UBE2E2: variants seen among roughly 807,000 people sequenced by gnomAD.
UBE2E2 encodes the protein ubiquitin conjugating enzyme E2 E2, also known as ubiquitin-conjugating enzyme E2 E2.
Under a neutral mutation model 24.7 loss-of-function variants are expected in UBE2E2, and 6 were observed. That is an observed-to-expected ratio of 0.24 (90% CI 0.13 to 0.48). UBE2E2 has a LOEUF of 0.48. Among genes scored for constraint, UBE2E2 ranks in the 20% least tolerant of loss-of-function variants. The probability of loss-of-function intolerance (pLI) is 0.99; values close to 1 mark genes in which losing one functional copy is unlikely to be tolerated. For synonymous variants in UBE2E2, 104 were observed against 83.6 expected (o/e 1.24, Z -1.33); for missense variants, 169 against 245.0 (o/e 0.69, Z 2.07).
intron 3 of UBE2E2, among the ~76,000 whole-genome samples, chr3:23,350,184 T>C (rs1454648739): frequency 6.6e-6 from 1 of 152,156 alleles, no homozygotes; most frequent in Non-Finnish European, 1.5e-5. Context: ...TCCTGTCTGT[T>C]AGAAGGAAAA....
intron 3 of UBE2E2, among the ~76,000 whole-genome samples, chr3:23,454,964 A>G (rs1446926777): frequency 6.6e-6 from 1 of 152,172 alleles, no homozygotes; most frequent in East Asian, 1.9e-4. Flanking sequence ...ATGAAAAGTC[A>G]TTGAAGCCAA....
At chr3:23,221,670 C>G (rs184457499) in intron 3 of UBE2E2, among the ~76,000 whole-genome samples, 2 of 151,452 alleles carry the variant, frequency 1.3e-5, no homozygotes, top group Non-Finnish European at 2.9e-5. Flanking sequence ...GAGTTTCGCT[C>G]TTGTCGCCCA....
Position 23,349,690 on chromosome 3 carries a change from C to T in UBE2E2, c.227+132378C>T, listed in dbSNP as rs558747491. On this transcript the variant is annotated intron_variant, in intron 3 of 5. Coordinates refer to ENST00000396703, the MANE Select transcript of UBE2E2 (RefSeq NM_152653.4). ...GCAGCGAGGCTAGGGGAGGGGCGCC[C>T]GCCATTGCCCAGGCTTGCTTAGGTA... Among the ~76,000 whole-genome samples, 401 of 152,342 alleles carry T rather than the reference C, an allele frequency of 2.6e-3. 3 individuals carry two copies. Among genetic ancestry groups the T allele is most frequent in the African/African-American group, 9.1e-3 (379 of 41,590 alleles).
At chr3:23,439,730 T>TTTTAATGTATTTTTA (rs1215780565) in intron 3 of UBE2E2, among the ~76,000 whole-genome samples, 1 of 152,198 alleles carries the variant, frequency 6.6e-6, no homozygotes, top group Non-Finnish European at 1.5e-5. Context: ...TTTATTTTTA[T>TTTTAATGTATTTTTA]TTTAATGTAT....
intron 3 of UBE2E2, among the ~76,000 whole-genome samples, chr3:23,438,888 G>T (rs1251784195): frequency 6.6e-6 from 1 of 152,164 alleles, no homozygotes; most frequent in Admixed American, 6.5e-5. Flanking sequence ...CAAATTTTCT[G>T]ATAACAACAT....
intron 1 of UBE2E2, among the ~76,000 whole-genome samples, chr3:23,207,821 T>C (rs1440433816): frequency 6.6e-6 from 1 of 152,210 alleles, no homozygotes; most frequent in African/African-American, 2.4e-5. Flanking sequence ...TGTAACAGCA[T>C]TATTGATATA....
intron 5 of UBE2E2, among the ~76,000 whole-genome samples, chr3:23,533,136 T>C (rs1371753560): frequency 6.6e-6 from 1 of 152,168 alleles, no homozygotes; most frequent in Non-Finnish European, 1.5e-5. Flanking sequence ...TCCTAGTAAC[T>C]GTGCATCCTG....
intron 5 of UBE2E2, among the ~76,000 whole-genome samples, chr3:23,546,460 A>ATTTTTT (rs899923576): frequency 2.1e-3 from 162 of 76,858 alleles, no homozygotes; most frequent in Non-Finnish European, 3.0e-3. Flanking sequence ...GAACATTTAG[A>ATTTTTT]TTTTTTTTTT....
intron 5 of UBE2E2, among the ~76,000 whole-genome samples, chr3:23,558,343 C>T (rs924336313): frequency 2.6e-5 from 4 of 152,154 alleles, no homozygotes; most frequent in Admixed American, 2.0e-4. Context: ...CTTCATTATT[C>T]CTCCTTCTCT....
intron 3 of UBE2E2, among the ~76,000 whole-genome samples, chr3:23,361,925 A>G (rs1575586608): frequency 6.6e-6 from 1 of 152,218 alleles, no homozygotes; most frequent in Non-Finnish European, 1.5e-5. Context: ...CAAGACCACT[A>G]TCTGTATAAT....
intron 3 of UBE2E2, among the ~76,000 whole-genome samples, chr3:23,327,399 T>G (rs1183838357): frequency 1.3e-5 from 2 of 152,234 alleles, no homozygotes; most frequent in Non-Finnish European, 2.9e-5. Context: ...CATTGTGGTT[T>G]TGATTTGCAT....
chr3:23,534,198 G>A (rs1695199359), intron 5 of UBE2E2: 1 of 971,646 alleles, frequency 1.0e-6, no homozygotes, highest in Non-Finnish European at 1.2e-6. Context: ...CAGCTGAAAT[G>A]GAATCTGTTA....
At chr3:23,545,465 GAC>G (rs1695500759) in intron 5 of UBE2E2, among the ~76,000 whole-genome samples, 1 of 152,196 alleles carries the variant, frequency 6.6e-6, no homozygotes, top group Non-Finnish European at 1.5e-5. Flanking sequence ...CCCTGAGTTT[GAC>G]ACAGCACATG....
intron 3 of UBE2E2, among the ~76,000 whole-genome samples, chr3:23,452,214 C>G (rs763160475): frequency 6.6e-6 from 1 of 152,168 alleles, no homozygotes; most frequent in Non-Finnish European, 1.5e-5. Context: ...TGAATTCACA[C>G]TTTCAACAGC....
chr3:23,344,673 G>A (rs1302154333), intron 3 of UBE2E2, among the ~76,000 whole-genome samples: 4 of 143,294 alleles, frequency 2.8e-5, no homozygotes, highest in African/African-American at 9.8e-5. Context: ...GGGCAACATA[G>A]TGAGACAAAC....
chr3:23,450,831 T>G (rs1197280895), intron 3 of UBE2E2, among the ~76,000 whole-genome samples: 4 of 152,216 alleles, frequency 2.6e-5, no homozygotes, highest in Admixed American at 2.6e-4. Flanking sequence ...GTATGTGCAG[T>G]GCTATTACTA....
intron 3 of UBE2E2, among the ~76,000 whole-genome samples, chr3:23,295,920 A>T (rs566928889): frequency 1.5e-4 from 23 of 152,326 alleles, no homozygotes; most frequent in African/African-American, 5.5e-4. Flanking sequence ...TCCTGCCACA[A>T]TGGTTAGAAA....
chr3:23,585,175 G>C (rs1696590718), intron 5 of UBE2E2, among the ~76,000 whole-genome samples: 1 of 151,848 alleles, frequency 6.6e-6, no homozygotes, highest in African/African-American at 2.4e-5. Flanking sequence ...AGGAATTTAA[G>C]ACCAGCCTGG....
In UBE2E2 at chr3:23,590,095, C is replaced by G. The variant is rs1393882738; in HGVS notation, c.*264C>G. On this transcript the variant is annotated 3_prime_UTR_variant, in exon 6 of 6. Transcript: ENST00000396703. Reference sequence around the variant, plus strand: ...GATTTGGGATTTTTTCCCACCTCATCATAGATGGGAACTTTTGTTTTCAGT... The same window carrying G: ...GATTTGGGATTTTTTCCCACCTCATGATAGATGGGAACTTTTGTTTTCAGT... 5.3e-6 allele frequency: 2 copies of G among 376,994 alleles called. No individual in the cohort carries two copies. Among genetic ancestry groups the G allele is most frequent in the Non-Finnish European group, 9.6e-6 (2 of 209,112 alleles). The allele number at this position is 376,994 out of a possible 1,614,324, so 23.4% of individuals were successfully genotyped here.
Sources: gnomAD v4.1 joint callset for allele counts (sites outside exome capture counted in the v4.1 genomes callset) on GRCh38, gnomAD v4.1.1 for gene constraint, MANE v1.5 for transcripts, NCBI Gene and HGNC (gene_info 2026-07-23, HGNC 2026-07-21) for gene names.